Variants in FIRRM observed in about 807,000 individuals in gnomAD.
FIRRM encodes the protein FIGNL1 interacting regulator of recombination and mitosis, also known as FIGNL1-interacting regulator of recombination and mitosis.
the FIRRM span, chr1:169,795,200 T>C: frequency 6.5e-7 from 1 of 1,536,078 alleles, no homozygotes; most frequent in South Asian, 1.2e-5. Flanking sequence ...CCGTCCGTCC[T>C]GCCCCGACTC....
the FIRRM span, among the ~76,000 whole-genome samples, chr1:169,839,949 G>A: frequency 6.6e-6 from 1 of 152,264 alleles, no homozygotes; most frequent in Admixed American, 6.5e-5. Flanking sequence ...ATGTAGGCTA[G>A]CTAGCTATCC....
At chr1:169,816,487 A>G in the FIRRM span, among the ~76,000 whole-genome samples, 2 of 152,236 alleles carry the variant, frequency 1.3e-5, no homozygotes, top group African/African-American at 4.8e-5. Flanking sequence ...GCAAATCATG[A>G]TAAGACTGAT....
At chr1:169,840,797 A>G in the FIRRM span, among the ~76,000 whole-genome samples, 2 of 152,180 alleles carry the variant, frequency 1.3e-5, no homozygotes, top group Non-Finnish European at 2.9e-5. Flanking sequence ...GGCATGAGCC[A>G]CTGCGCTCGG....
the FIRRM span, chr1:169,827,137 C>T: frequency 1.9e-6 from 3 of 1,613,496 alleles, no homozygotes; most frequent in Non-Finnish European, 1.7e-6. Flanking sequence ...ACACTGGATC[C>T]ACTTATCAGT....
chr1:169,818,132 A>T, the FIRRM span, among the ~76,000 whole-genome samples: 1 of 152,236 alleles, frequency 6.6e-6, no homozygotes, highest in Non-Finnish European at 1.5e-5. Context: ...CATACCTGTA[A>T]TGTAAAACTG....
At chr1:169,814,951 TA>T in the FIRRM span, among the ~76,000 whole-genome samples, 1 of 151,474 alleles carries the variant, frequency 6.6e-6, no homozygotes, top group African/African-American at 2.4e-5. Flanking sequence ...TTTCACTATA[TA>T]AAAAAAGTTT....
the FIRRM span, among the ~76,000 whole-genome samples, chr1:169,797,908 C>T: frequency 2.6e-5 from 4 of 152,108 alleles, no homozygotes; most frequent in African/African-American, 9.7e-5. Context: ...TAAAACATTT[C>T]TAACAATTAT....
the FIRRM span, chr1:169,821,847 A>G: frequency 1.2e-6 from 1 of 827,216 alleles, no homozygotes; most frequent in Non-Finnish European, 1.9e-6. Context: ...AGAAATTTCA[A>G]GCTCAGATAG....
chr1:169,787,528 T>C, the FIRRM span, among the ~76,000 whole-genome samples: 1 of 152,116 alleles, frequency 6.6e-6, no homozygotes, highest in East Asian at 1.9e-4. Flanking sequence ...ATCCACTGAC[T>C]CCTTGACCCA....
chr1:169,835,549 A>G, the FIRRM span, among the ~76,000 whole-genome samples: 1 of 152,170 alleles, frequency 6.6e-6, no homozygotes, highest in Non-Finnish European at 1.5e-5. Context: ...CAATTTTAAG[A>G]AGTCATAATT....
chr1:169,818,925 G>A, the FIRRM span, among the ~76,000 whole-genome samples: 1 of 152,286 alleles, frequency 6.6e-6, no homozygotes, highest in African/African-American at 2.4e-5. Context: ...GACCCCAGGT[G>A]ATCTGCCTGC....
chr1:169,827,186 G>C, the FIRRM span: 1 of 1,612,256 alleles, frequency 6.2e-7, no homozygotes, highest in Non-Finnish European at 8.5e-7. Context: ...AGGTGGTTTT[G>C]GACAGTAAAT....
the FIRRM span, among the ~76,000 whole-genome samples, chr1:169,801,138 T>C: frequency 3.9e-5 from 6 of 152,004 alleles, no homozygotes; most frequent in Non-Finnish European, 8.8e-5. Flanking sequence ...AGTGTGATCA[T>C]TAGGCAGTTA....
At chr1:169,825,070 C>G in the FIRRM span, among the ~76,000 whole-genome samples, 1 of 152,184 alleles carries the variant, frequency 6.6e-6, no homozygotes, top group Admixed American at 6.5e-5. Flanking sequence ...CATGTTCTGT[C>G]AATGTTACCT....
the FIRRM span, chr1:169,830,348 C>T: frequency 6.2e-7 from 1 of 1,611,814 alleles, no homozygotes; most frequent in Admixed American, 1.7e-5. Flanking sequence ...CTCGGTACAA[C>T]ATATTTGCTT....
chr1:169,835,140 G>A, the FIRRM span, among the ~76,000 whole-genome samples: 5 of 152,100 alleles, frequency 3.3e-5, no homozygotes, highest in Non-Finnish European at 7.4e-5. Context: ...ACAAGATGGT[G>A]TCTTTTTAAA....
chr1:169,796,963 A>G, the FIRRM span, among the ~76,000 whole-genome samples: 1 of 152,196 alleles, frequency 6.6e-6, no homozygotes, highest in East Asian at 1.9e-4. Context: ...GCAGTCTTAC[A>G]CTTGTATCAC....
chr1:169,807,247 G>A, the FIRRM span, among the ~76,000 whole-genome samples: 49 of 151,974 alleles, frequency 3.2e-4, no homozygotes, highest in Non-Finnish European at 4.6e-4. Flanking sequence ...CTCCTATTTT[G>A]TGTACCTTGC....
the FIRRM span, among the ~76,000 whole-genome samples, chr1:169,805,059 C>G: frequency 6.6e-6 from 1 of 152,166 alleles, no homozygotes; most frequent in East Asian, 1.9e-4. Context: ...GGATTATGAA[C>G]AAGAGTTTGA....
Sources: allele counts gnomAD v4.1 joint callset (sites outside exome capture counted in the v4.1 genomes callset), GRCh38; gene constraint gnomAD v4.1.1; transcripts MANE v1.5; gene names NCBI Gene and HGNC (gene_info 2026-07-23, HGNC 2026-07-21).